The following TMEM120B variants were observed in gnomAD, a reference collection of about 807,000 sequenced individuals.
TMEM120B encodes transmembrane protein 120B.
TMEM120B carries 31 observed loss-of-function variants against 55.5 expected under a neutral mutation model. That is an observed-to-expected ratio of 0.56 (90% CI 0.42 to 0.75). TMEM120B has a LOEUF of 0.75. Among genes scored for constraint, TMEM120B ranks in the 30% least tolerant of loss-of-function variants. The probability of loss-of-function intolerance (pLI) is 0.00; values close to 1 mark genes in which losing one functional copy is unlikely to be tolerated. For synonymous variants in TMEM120B, 203 were observed against 176.3 expected, an observed-to-expected ratio of 1.15 and a Z score of -1.20; for missense variants, 399 against 425.5, an observed-to-expected ratio of 0.94 and a Z score of 0.55.
chr12:121,730,004 TA>T (rs1319801363), intron 1 of TMEM120B, among the ~76,000 whole-genome samples: 1 of 152,096 alleles, frequency 6.6e-6, no homozygotes, highest in Non-Finnish European at 1.5e-5. Flanking sequence ...CTCACGCCTG[TA>T]ATCCCAGCAC....
chr12:121,713,070 G>T lies in TMEM120B; in HGVS notation c.69+106G>T. The T allele has an allele frequency of 3.2e-6, 3 of 934,802 alleles. No individual in the cohort carries two copies. In the South Asian group the frequency reaches 5.6e-5, roughly 17 times the overall value. 57.9% of individuals were successfully genotyped at this position (934,802 alleles called of 1,614,324 possible). A position where few individuals can be genotyped will look rare whatever the true frequency, so the allele number is the denominator to read the frequency against. The stretch of plus-strand genomic sequence containing the variant: ...GGTGGGGACAGTCAGGGCCTAGGGA[G>T]TGCCCCGGAGAGGCCCTGGGGGCGG... On this transcript the variant is annotated intron_variant, in intron 1 of 11. Transcript: ENST00000449592.
intron 1 of TMEM120B, among the ~76,000 whole-genome samples, chr12:121,733,663 A>T (rs1051336897): frequency 6.6e-6 from 1 of 151,428 alleles, no homozygotes; most frequent in East Asian, 1.9e-4. Flanking sequence ...TCAGCCTCCC[A>T]AGTAACTGGG....
chr12:121,737,773 G>A (rs1872793520), intron 1 of TMEM120B, among the ~76,000 whole-genome samples: 1 of 152,066 alleles, frequency 6.6e-6, no homozygotes, highest in Admixed American at 6.6e-5. Context: ...ACTTTGGGAG[G>A]CCAAAGTGGG....
Position 121,744,477 on chromosome 12 carries a change from C to T in TMEM120B, c.188+730C>T, listed in dbSNP as rs537827436. 7.9e-5 allele frequency among the ~76,000 whole-genome samples: 12 copies of T among 152,302 alleles called. 1 individual carries two copies. Among genetic ancestry groups the T allele is most frequent in the East Asian group, 5.8e-4 (3 of 5,182 alleles). ...CCCTGCCGGACAAGTAAGCAGGCAG[C>T]GTCCTTTTGTGGGTGTGGGGTGCCC... On this transcript the variant is annotated intron_variant, in intron 2 of 11. Transcript: ENST00000449592.
chr12:121,746,192 T>TCCCC (rs1566514839), intron 2 of TMEM120B, among the ~76,000 whole-genome samples: 2 of 140,784 alleles, frequency 1.4e-5, no homozygotes, highest in African/African-American at 2.8e-5. Context: ...CCCCCCCACT[T>TCCCC]TTTTTTTTTT....
intron 4 of TMEM120B, among the ~76,000 whole-genome samples, chr12:121,750,995 A>C (rs1873295112): frequency 1.9e-5 from 1 of 53,376 alleles, no homozygotes. Context: ...CCCACACCCC[A>C]CACCCCATAT....
intron 5 of TMEM120B, among the ~76,000 whole-genome samples, chr12:121,756,156 C>T (rs185379139): frequency 3.1e-4 from 47 of 152,250 alleles, no homozygotes; most frequent in African/African-American, 1.0e-3. Flanking sequence ...GTCTCCAGAG[C>T]CCGTGAATAA....
rs1275777533 is a variant in TMEM120B at position 121,750,572 on chromosome 12, A to C, written c.365+133A>C. ...CACCAACACCCCACACCTCAAACCCACACCCACACTCCACACCAACACCCC... is the reference window on the plus strand; with the variant it reads ...CACCAACACCCCACACCTCAAACCCCCACCCACACTCCACACCAACACCCC... On this transcript the variant is annotated intron_variant, in intron 4 of 11. Coordinates refer to ENST00000449592, the MANE Select transcript of TMEM120B (RefSeq NM_001080825.2). 21 of 620,062 alleles carry C rather than the reference A, an allele frequency of 3.4e-5. No homozygotes were observed. The African/African-American group carries it at 4.3e-4, about 13-fold the overall frequency. The allele number at this position is 620,062 out of a possible 1,614,324, so 38.4% of individuals were successfully genotyped here. A position where few individuals can be genotyped will look rare whatever the true frequency, so the allele number is the denominator to read the frequency against.
At chr12:121,769,160 G>A (rs200077103) in intron 6 of TMEM120B, among the ~76,000 whole-genome samples, 2 of 101,764 alleles carry the variant, frequency 2.0e-5, no homozygotes, top group Non-Finnish European at 4.3e-5. Flanking sequence ...AAAAAAAAAA[G>A]GCAAAAAAAA....
At chr12:121,733,844 A>G (rs1265214591) in intron 1 of TMEM120B, among the ~76,000 whole-genome samples, 1 of 151,970 alleles carries the variant, frequency 6.6e-6, no homozygotes, top group Admixed American at 6.6e-5. Flanking sequence ...GGCCCCATAT[A>G]TTGTTATGTG....
chr12:121,758,211 G>A, intron 5 of TMEM120B: 1 of 985,474 alleles, frequency 1.0e-6, no homozygotes. Context: ...CTCTCACAGA[G>A]TTCTTTTCCC....
intron 1 of TMEM120B, among the ~76,000 whole-genome samples, chr12:121,719,255 ACAG>A (rs1894752545): frequency 1.3e-5 from 2 of 151,910 alleles, no homozygotes; most frequent in African/African-American, 4.8e-5. Flanking sequence ...AAAAAAAAAA[ACAG>A]AGAGAGGGAT....
chr12:121,758,775 C>T (rs1873569491), intron 5 of TMEM120B: 8 of 982,016 alleles, frequency 8.1e-6, no homozygotes, highest in Non-Finnish European at 9.7e-6. Context: ...GCTGTGGTCA[C>T]CATGGAGGAG....
chr12:121,753,919 C>T (rs1187374109), intron 5 of TMEM120B, among the ~76,000 whole-genome samples: 2 of 152,142 alleles, frequency 1.3e-5, no homozygotes, highest in Non-Finnish European at 2.9e-5. Context: ...TGGGGGTGCT[C>T]CCCAGCTGCT....
intron 4 of TMEM120B, among the ~76,000 whole-genome samples, chr12:121,751,450 C>T (rs895649769): frequency 1.4e-5 from 2 of 147,096 alleles, no homozygotes; most frequent in Admixed American, 6.8e-5. Context: ...CCCCGTCTCA[C>T]GCTTTTCACC....
At chr12:121,759,121 T>TG in intron 5 of TMEM120B, 1 of 722,642 alleles carries the variant, frequency 1.4e-6, no homozygotes, top group Non-Finnish European at 1.6e-6. Context: ...GAGTGTCTAC[T>TG]GTTTTTTTTT....
rs539408286 is a variant in TMEM120B at position 121,734,578 on chromosome 12, G to T, written c.70-9051G>T. Among the ~76,000 whole-genome samples the T allele has an allele frequency of 3.3e-5, 5 of 149,746 alleles. No individual in the cohort carries two copies. In the South Asian group the frequency reaches 8.9e-4, roughly 27 times the overall value. ...TGGCCATGAAAGTTTCTTTTTCTTTGTTTTTTTAGTTTGCAAAATAAGTTT... is the reference window on the plus strand; with the variant it reads ...TGGCCATGAAAGTTTCTTTTTCTTTTTTTTTTTAGTTTGCAAAATAAGTTT... On this transcript the variant is annotated intron_variant, in intron 1 of 11. Coordinates refer to ENST00000449592, the MANE Select transcript of TMEM120B (RefSeq NM_001080825.2).
At chr12:121,735,481 C>G (rs1307728981) in intron 1 of TMEM120B, among the ~76,000 whole-genome samples, 5 of 151,770 alleles carry the variant, frequency 3.3e-5, no homozygotes, top group African/African-American at 1.2e-4. Context: ...TCACTGCAAC[C>G]TCCGCGTCCT....
chr12:121,731,672 C>T (rs537350348), intron 1 of TMEM120B, among the ~76,000 whole-genome samples: 1 of 152,310 alleles, frequency 6.6e-6, no homozygotes, highest in South Asian at 2.1e-4. Flanking sequence ...ACGGCATCGC[C>T]TAATAATGCA....
Sources: allele counts gnomAD v4.1 joint callset (sites outside exome capture counted in the v4.1 genomes callset), GRCh38; gene constraint gnomAD v4.1.1; transcripts MANE v1.5; gene names NCBI Gene and HGNC (gene_info 2026-07-23, HGNC 2026-07-21).